The following DNASE1 variants were observed in gnomAD, a reference collection of about 807,000 sequenced individuals.
The protein encoded by DNASE1 is deoxyribonuclease 1.
DNASE1 carries 40 observed loss-of-function variants against 33.9 expected under a neutral mutation model. The observed-to-expected ratio is 1.18, with a 90% CI of 0.92 to 1.54. DNASE1 has a LOEUF of 1.54. Among genes scored for constraint, DNASE1 ranks in the 40% most tolerant of loss-of-function variants. The pLI, the probability that DNASE1 is intolerant of heterozygous loss-of-function variation, is 0.00. For missense variants in DNASE1, 518 were observed against 372.6 expected (o/e 1.39, Z -3.21); for synonymous variants, 216 against 160.0 (o/e 1.35, Z -2.64).
chr16:3,656,520 G>A (rs2042642813), intron 4 of DNASE1, 118 bp from the exon 5 acceptor site: 1 of 716,458 alleles, frequency 1.4e-6, no homozygotes, highest in Admixed American at 2.0e-5. Flanking sequence ...AATGGGTTGA[G>A]CAGGTGCCTG....
downstream of DNASE1, chr16:3,661,903 G>T: frequency 4.7e-6 from 7 of 1,474,838 alleles, no homozygotes; most frequent in Non-Finnish European, 6.3e-6. Flanking sequence ...CTTTTCTTCT[G>T]TGTCACATTC....
chr16:3,618,834 A>G (rs549215034), intron 1 of DNASE1, among the ~76,000 whole-genome samples: 4 of 152,204 alleles, frequency 2.6e-5, no homozygotes, highest in Non-Finnish European at 5.9e-5. Flanking sequence ...TACATGTTAC[A>G]CTGAACATTT....
upstream of DNASE1, among the ~76,000 whole-genome samples, chr16:3,641,714 G>A (rs932678367): frequency 1.3e-5 from 2 of 152,216 alleles, no homozygotes; most frequent in African/African-American, 4.8e-5. Flanking sequence ...TCCTGAGGGT[G>A]GGGCAGTGGG....
downstream of DNASE1, chr16:3,659,002 A>T (rs776567965): frequency 4.9e-6 from 4 of 814,378 alleles, no homozygotes; most frequent in Non-Finnish European, 7.9e-6. Flanking sequence ...TATGTTAATG[A>T]TCATTTATAG....
At chr16:3,620,839 C>T (rs1391892120) in intron 1 of DNASE1, among the ~76,000 whole-genome samples, 1 of 151,812 alleles carries the variant, frequency 6.6e-6, no homozygotes, top group East Asian at 1.9e-4. Context: ...CTTACTCTGT[C>T]ACCCAGGCTG....
chr16:3,631,976 A>G (rs1028485144), intron 1 of DNASE1, among the ~76,000 whole-genome samples: 1 of 152,170 alleles, frequency 6.6e-6, no homozygotes, highest in South Asian at 2.1e-4. Context: ...ATAGCAGCGT[A>G]ATTTCAGTAA....
intron 1 of DNASE1, among the ~76,000 whole-genome samples, chr16:3,616,060 A>T (rs988952892): frequency 2.0e-5 from 3 of 152,206 alleles, no homozygotes; most frequent in Non-Finnish European, 4.4e-5. Context: ...TAGACTGCTA[A>T]AATTGGTGAA....
downstream of DNASE1, chr16:3,663,094 A>AT (rs2043176083): frequency 1.3e-6 from 1 of 753,828 alleles, no homozygotes; most frequent in African/African-American, 1.8e-5. Flanking sequence ...AGCTAGCAAG[A>AT]TGCTTTTCAT....
At chr16:3,658,723 C>T (rs140396775), downstream of DNASE1, 4 of 1,449,040 alleles carry the variant, frequency 2.8e-6, no homozygotes, top group African/African-American at 4.2e-5. Context: ...AACCGCTGTT[C>T]CACCCTGAAG....
chr16:3,615,196 C>G (rs181335047), intron 1 of DNASE1, among the ~76,000 whole-genome samples: 1 of 152,198 alleles, frequency 6.6e-6, no homozygotes, highest in East Asian at 1.9e-4. Flanking sequence ...CTGCATTTAA[C>G]CAGCACCAAC....
At position 3,655,539 on chromosome 16, in the gene DNASE1, C is replaced by T. The variant is rs1413477763; in HGVS notation, c.147+19C>T. 1 of 1,613,800 alleles carries T rather than the reference C, an allele frequency of 6.2e-7. No homozygotes were observed. Among genetic ancestry groups the T allele is most frequent in the African/African-American group, 1.3e-5 (1 of 75,056 alleles). On this transcript the variant is annotated intron_variant, in intron 2 of 8. Transcript: ENST00000246949. ...TGTGCAGGTGAGGCCAGGGCAGCCT[C>T]CCCCCAAAAGCAGAGGAGCTCTGGA...
At chr16:3,656,215 T>TC in intron 4 of DNASE1, 30 bp downstream of exon 4, 1 of 1,608,508 alleles carries the variant, frequency 6.2e-7, no homozygotes, top group Non-Finnish European at 8.5e-7. Flanking sequence ...AGGAAGCCCC[T>TC]CCCTCACCTG....
intron 1 of DNASE1, among the ~76,000 whole-genome samples, chr16:3,647,773 G>A (rs1002254221): frequency 4.6e-5 from 7 of 151,828 alleles, no homozygotes; most frequent in Admixed American, 4.6e-4. Context: ...GGAAGCCAAG[G>A]CAGGAGAATC....
At chr16:3,649,104 C>G (rs1419547536) in intron 1 of DNASE1, among the ~76,000 whole-genome samples, 2 of 152,172 alleles carry the variant, frequency 1.3e-5, no homozygotes, top group African/African-American at 4.8e-5. Context: ...ATTGTTTTGG[C>G]AAGAACTCTC....
chr16:3,655,295 G>A lies in DNASE1; in HGVS notation c.-1-78G>A, dbSNP rs2042526561. On this transcript the variant is annotated intron_variant, in intron 1 of 8. Coordinates refer to ENST00000246949, the MANE Select transcript of DNASE1 (RefSeq NM_005223.4). ...TGAGCTCCACCAGCCCCTGCCAGCT[G>A]GGCTCCAGAAGGCTGGAGTGCTGTG... 2.5e-6 allele frequency: 4 copies of A among 1,593,594 alleles called. No individual in the cohort carries two copies. The East Asian group carries it at 6.7e-5, about 27-fold the overall frequency.
exon 10 of DNASE1, chr16:3,664,872 G>A (rs1462042079): frequency 5.7e-6 from 1 of 176,804 alleles, no homozygotes; most frequent in African/African-American, 2.4e-5. Context: ...CTATGGCAGA[G>A]ACTGGCTTTG....
chr16:3,652,096 G>A (rs1480026591), upstream of DNASE1: 1 of 152,436 alleles, frequency 6.6e-6, no homozygotes, highest in Non-Finnish European at 1.5e-5. Context: ...CTCGCCATTT[G>A]TACAAGCGAG....
At chr16:3,633,532 C>T (rs868250451) in intron 1 of DNASE1, among the ~76,000 whole-genome samples, 55 of 151,506 alleles carry the variant, frequency 3.6e-4, no homozygotes, top group Middle Eastern at 6.8e-3. Flanking sequence ...GGCTTGAACC[C>T]GAGAGGTGGA....
upstream of DNASE1, among the ~76,000 whole-genome samples, chr16:3,637,995 C>A (rs937339066): frequency 6.6e-6 from 1 of 152,104 alleles, no homozygotes; most frequent in Non-Finnish European, 1.5e-5. Context: ...ATGGTAGTGA[C>A]AACTTCTAAG....
Sources: allele counts gnomAD v4.1 joint callset (sites outside exome capture counted in the v4.1 genomes callset), GRCh38; gene constraint gnomAD v4.1.1; transcripts MANE v1.5; gene names NCBI Gene and HGNC (gene_info 2026-07-23, HGNC 2026-07-21).